Variants in PTGFR observed in about 807,000 individuals in gnomAD.
PTGFR encodes the protein prostaglandin F2-alpha receptor.
Under a neutral mutation model 26.2 loss-of-function variants are expected in PTGFR, and 15 were observed. The ratio of observed to expected loss-of-function variants is 0.57; its 90% CI spans 0.38 to 0.88. The LOEUF is 0.88. PTGFR is among the 40% of genes least tolerant of loss of function. The pLI is 0.00. For missense variants in PTGFR, 369 were observed against 427.2 expected, an observed-to-expected ratio of 0.86 and a Z score of 1.20; for synonymous variants, 165 against 151.1, an observed-to-expected ratio of 1.09 and a Z score of -0.68.
chr1:78,509,827 G>A (rs1013749347), intron 2 of PTGFR, among the ~76,000 whole-genome samples: 18 of 152,062 alleles, frequency 1.2e-4, no homozygotes, highest in African/African-American at 4.3e-4. Flanking sequence ...CATTGATTTA[G>A]CAAGCTATTT....
At chr1:78,524,983 C>A (rs975240459) in intron 2 of PTGFR, among the ~76,000 whole-genome samples, 2 of 120,696 alleles carry the variant, frequency 1.7e-5, no homozygotes, top group African/African-American at 6.1e-5. Flanking sequence ...TTGGCTTAAT[C>A]AAAAGTTCAC....
rs192324503 is a variant in PTGFR at position 78,498,533 on chromosome 1, T to A, written c.798+4992T>A. 9.2e-5 allele frequency among the ~76,000 whole-genome samples: 14 copies of A among 152,236 alleles called. No homozygotes were observed. In the East Asian group the frequency reaches 2.3e-3, roughly 25 times the overall value. ...TAAATGTTAAATTATTTCCCAAATT[T>A]AAAAAATTAACCCATTGCCATTGGA... On this transcript the variant is annotated intron_variant, in intron 2 of 2. Transcript: ENST00000370757.
intron 2 of PTGFR, among the ~76,000 whole-genome samples, chr1:78,533,080 A>G (rs1304685429): frequency 6.6e-6 from 1 of 152,176 alleles, no homozygotes; most frequent in African/African-American, 2.4e-5. Context: ...TTTCTTAAAG[A>G]AAGATTGAGA....
rs547117402 is a variant in PTGFR at position 78,524,051 on chromosome 1, G to A, written c.799-12355G>A. Among the ~76,000 whole-genome samples, 8 of 152,250 alleles carry A rather than the reference G, an allele frequency of 5.3e-5. 1 individual carries two copies. Among genetic ancestry groups the A allele is most frequent in the Admixed American group, 5.2e-4 (8 of 15,270 alleles). ...TGCAACTTACATAATACAACAATGT[G>A]TGGTTTGCTTAATCTTAATGGTGCC... On this transcript the variant is annotated intron_variant, in intron 2 of 2. Coordinates refer to ENST00000370757, the MANE Select transcript of PTGFR (RefSeq NM_000959.4).
rs1485316224 is a variant in PTGFR, at chr1:78,518,219, G to T, written c.799-18187G>T. On this transcript the variant is annotated intron_variant, in intron 2 of 2. Transcript: ENST00000370757. ...GGGAAAATTATAAAGGAAACATTTA[G>T]TTATGTCTTATCTATTCTACCTGGT... is the stretch of plus-strand genomic sequence containing the variant. 2.6e-5 allele frequency among the ~76,000 whole-genome samples: 4 copies of T among 152,074 alleles called. No homozygotes were observed. In the East Asian group the frequency reaches 7.7e-4, roughly 29 times the overall value.
At position 78,538,846 on chromosome 1, in the gene PTGFR, C is replaced by G. The variant is rs1169187388; in HGVS notation, c.*2159C>G. On this transcript the variant is annotated 3_prime_UTR_variant, in exon 3 of 3. Coordinates refer to ENST00000370757, the MANE Select transcript of PTGFR (RefSeq NM_000959.4). The stretch of plus-strand genomic sequence containing the variant: ...GTGTTTTCAGCTCTATTTCAAAACT[C>G]ATAACTAATCTTCAGAATTACTGAA... 1 of 151,964 alleles carries G rather than the reference C, an allele frequency of 6.6e-6. No individual in the cohort carries two copies. Among genetic ancestry groups the G allele is most frequent in the African/African-American group, 2.4e-5 (1 of 41,396 alleles). 9.4% of individuals were successfully genotyped at this position (151,964 alleles called of 1,614,324 possible).
intron 2 of PTGFR, among the ~76,000 whole-genome samples, chr1:78,510,026 C>G (rs1649927556): frequency 1.3e-5 from 2 of 152,160 alleles, no homozygotes; most frequent in Admixed American, 1.3e-4. Flanking sequence ...TCAACTCATC[C>G]AAAGATTACC....
chr1:78,534,403 T>C (rs774590291), intron 2 of PTGFR, among the ~76,000 whole-genome samples: 3 of 152,156 alleles, frequency 2.0e-5, no homozygotes, highest in Non-Finnish European at 4.4e-5. Context: ...GGGCTTCAGT[T>C]TTCCAGGAGA....
intron 2 of PTGFR, chr1:78,532,494 G>C (rs1228249127): frequency 1.2e-5 from 1 of 86,616 alleles, no homozygotes; most frequent in Non-Finnish European, 2.2e-5. Flanking sequence ...GTATATATGT[G>C]TATATATTTG....
chr1:78,505,388 G>GTAATCCCAAAGGC (rs1649804931), intron 2 of PTGFR, among the ~76,000 whole-genome samples: 1 of 152,092 alleles, frequency 6.6e-6, no homozygotes, highest in African/African-American at 2.4e-5. Flanking sequence ...CTCCCAAAGT[G>GTAATCCCAAAGGC]CTGGGATTAC....
At chr1:78,501,850 A>G (rs549043875) in intron 2 of PTGFR, among the ~76,000 whole-genome samples, 1 of 152,290 alleles carries the variant, frequency 6.6e-6, no homozygotes, top group South Asian at 2.1e-4. Flanking sequence ...CAGATGTACT[A>G]TCAGATTAAA....
At chr1:78,530,545 A>G (rs576901559) in intron 2 of PTGFR, among the ~76,000 whole-genome samples, 2 of 152,262 alleles carry the variant, frequency 1.3e-5, no homozygotes, top group African/African-American at 4.8e-5. Context: ...CTTAGTCATC[A>G]TCTCCAACTA....
At chr1:78,505,700 C>A (rs942802041) in intron 2 of PTGFR, among the ~76,000 whole-genome samples, 1 of 152,180 alleles carries the variant, frequency 6.6e-6, no homozygotes, top group Non-Finnish European at 1.5e-5. Flanking sequence ...TCACTCCCCA[C>A]ACCCCAAAGT....
chr1:78,515,722 G>T (rs1032899762), intron 2 of PTGFR, among the ~76,000 whole-genome samples: 2 of 152,166 alleles, frequency 1.3e-5, no homozygotes, highest in African/African-American at 2.4e-5. Flanking sequence ...AATTCTATAT[G>T]ACCATAGATT....
chr1:78,520,548 T>C (rs932807482), intron 2 of PTGFR, among the ~76,000 whole-genome samples: 13 of 152,078 alleles, frequency 8.5e-5, no homozygotes, highest in African/African-American at 2.9e-4. Context: ...GCTGACAATC[T>C]CCTAAGAGCA....
intron 2 of PTGFR, among the ~76,000 whole-genome samples, chr1:78,512,844 T>TGTGATATCTGGC (rs1553165293): frequency 1.3e-5 from 2 of 152,148 alleles, no homozygotes; most frequent in Non-Finnish European, 2.9e-5. Context: ...GATATCTGGT[T>TGTGATATCTGGC]GTGATATCTG....
chr1:78,524,988 G>C (rs1650338583), intron 2 of PTGFR, among the ~76,000 whole-genome samples: 1 of 120,852 alleles, frequency 8.3e-6, no homozygotes, highest in Non-Finnish European at 1.6e-5. Context: ...TTAATCAAAA[G>C]TTCACATAAA....
intron 2 of PTGFR, among the ~76,000 whole-genome samples, chr1:78,508,479 G>T (rs1649878655): frequency 6.6e-6 from 1 of 152,148 alleles, no homozygotes; most frequent in South Asian, 2.1e-4. Flanking sequence ...GGAGTGTGTA[G>T]CTGTCATGAC....
Position 78,492,692 on chromosome 1 carries a change from C to A in PTGFR, c.-52C>A. ...TACAGATGTCTGGACTGCAATCCTG[C>A]ACAGTTTTGAGAGGGAGATGACTTG... On this transcript the variant is annotated 5_prime_UTR_variant, in exon 2 of 3. An upstream open reading frame in the 5' UTR gains an earlier in-frame stop. Coordinates refer to ENST00000370757, the MANE Select transcript of PTGFR (RefSeq NM_000959.4). The A allele has an allele frequency of 3.3e-6, 5 of 1,522,986 alleles. No homozygotes were observed. Among genetic ancestry groups the A allele is most frequent in the South Asian group, 1.3e-5 (1 of 79,338 alleles). 94.3% of individuals were successfully genotyped at this position (1,522,986 alleles called of 1,614,324 possible).
Sources: gnomAD v4.1 joint callset for allele counts (sites outside exome capture counted in the v4.1 genomes callset) on GRCh38, gnomAD v4.1.1 for gene constraint, MANE v1.5 for transcripts, NCBI Gene and HGNC (gene_info 2026-07-23, HGNC 2026-07-21) for gene names.